LPP: variants seen among roughly 807,000 people sequenced by gnomAD.
LPP encodes the protein LIM domain containing preferred translocation partner in lipoma, also known as lipoma-preferred partner.
In LPP, 38 loss-of-function variants were observed where a neutral mutation model predicts 60.4. The ratio of observed to expected loss-of-function variants is 0.63; its 90% CI spans 0.49 to 0.83. The LOEUF (loss-of-function observed/expected upper bound fraction) is 0.83, where lower values mean the gene tolerates loss of function less well. LPP is among the 40% of genes least tolerant of loss of function. The pLI, the probability that LPP is intolerant of heterozygous loss-of-function variation, is 0.00. For missense variants in LPP, 902 were observed against 783.6 expected, an observed-to-expected ratio of 1.15 and a Z score of -1.80; for synonymous variants, 328 against 290.8, an observed-to-expected ratio of 1.13 and a Z score of -1.30.
intron 8 of LPP, among the ~76,000 whole-genome samples, chr3:188,756,887 C>T (rs1181520601): frequency 1.3e-5 from 2 of 152,166 alleles, no homozygotes; most frequent in Non-Finnish European, 2.9e-5. Flanking sequence ...GAAGATCATT[C>T]CTTAGGAATA....
chr3:188,508,129 C>A (rs1171752502), intron 5 of LPP, among the ~76,000 whole-genome samples: 1 of 152,088 alleles, frequency 6.6e-6, no homozygotes, highest in African/African-American at 2.4e-5. Context: ...AGGACCTTAA[C>A]CAAGGTGGTG....
At chr3:188,467,289 AT>A (rs1800726051) in intron 4 of LPP, among the ~76,000 whole-genome samples, 1 of 152,126 alleles carries the variant, frequency 6.6e-6, no homozygotes, top group Admixed American at 6.6e-5. Flanking sequence ...CTTAAATAAT[AT>A]GTTTAAATTT....
intron 9 of LPP, among the ~76,000 whole-genome samples, chr3:188,848,439 G>A (rs974958983): frequency 1.7e-4 from 26 of 152,176 alleles, no homozygotes; most frequent in African/African-American, 6.0e-4. Flanking sequence ...TATTCATGTC[G>A]CACTCTTGCT....
chr3:188,457,417 C>T (rs1407081098), intron 4 of LPP, among the ~76,000 whole-genome samples: 3 of 152,146 alleles, frequency 2.0e-5, no homozygotes, highest in African/African-American at 7.2e-5. Context: ...CCAGTTACAT[C>T]TTACTTTTGA....
intron 1 of LPP, among the ~76,000 whole-genome samples, chr3:188,189,885 C>T (rs903737539): frequency 6.6e-6 from 1 of 151,130 alleles, no homozygotes; most frequent in African/African-American, 2.4e-5. Context: ...ATGCTGCAAG[C>T]GAAGAGGGGT....
intron 5 of LPP, among the ~76,000 whole-genome samples, chr3:188,511,488 C>T (rs1008549061): frequency 6.6e-6 from 1 of 151,794 alleles, no homozygotes; most frequent in Admixed American, 6.6e-5. Context: ...GTAGCCATGA[C>T]CTAATTTTTG....
intron 2 of LPP, among the ~76,000 whole-genome samples, chr3:188,255,441 C>T (rs981700489): frequency 1.3e-5 from 2 of 152,180 alleles, no homozygotes; most frequent in African/African-American, 4.8e-5. Context: ...CATATCAAGG[C>T]ATCACCTTTT....
chr3:188,862,943 G>A (rs66506558), intron 9 of LPP, among the ~76,000 whole-genome samples: 15,866 of 151,668 alleles, frequency 0.1, 1,062 homozygotes, highest in Middle Eastern at 0.16. Flanking sequence ...TGTATGAAGC[G>A]TGCATCTTTT....
At chr3:188,592,698 C>G (rs376014059) in intron 6 of LPP, among the ~76,000 whole-genome samples, 2 of 151,650 alleles carry the variant, frequency 1.3e-5, no homozygotes, top group South Asian at 4.2e-4. Context: ...CCCACCACCA[C>G]GCCTGGCTAA....
rs574187221 is a variant in LPP at position 188,528,953 on chromosome 3, G to A, written c.429+4166G>A. On this transcript the variant is annotated intron_variant, in intron 6 of 11. Coordinates refer to ENST00000617246, the MANE Select transcript of LPP (RefSeq NM_001375462.1). ...AGGTCAAAAAAAATTAATTGTAATA[G>A]CCATTAAGTAGAATAAGTTCATAAT... is the stretch of plus-strand genomic sequence containing the variant. Among the ~76,000 whole-genome samples, 9 of 152,258 alleles carry A rather than the reference G, an allele frequency of 5.9e-5. No homozygotes were observed. The South Asian group carries it at 1.9e-3, about 32-fold the overall frequency.
At chr3:188,804,528 G>A (rs142951862) in intron 9 of LPP, among the ~76,000 whole-genome samples, 1 of 151,690 alleles carries the variant, frequency 6.6e-6, no homozygotes, top group Non-Finnish European at 1.5e-5. Flanking sequence ...TCACTCTTCG[G>A]TTTATGGGTG....
chr3:188,200,655 C>T (rs1453312648), intron 1 of LPP, among the ~76,000 whole-genome samples: 4 of 152,140 alleles, frequency 2.6e-5, no homozygotes, highest in East Asian at 3.9e-4. Flanking sequence ...GCTTCACTTC[C>T]ACCTTCCAGA....
intron 2 of LPP, among the ~76,000 whole-genome samples, chr3:188,232,884 C>G (rs901770023): frequency 1.3e-5 from 2 of 152,048 alleles, no homozygotes; most frequent in South Asian, 2.1e-4. Context: ...GTCTTTGGTG[C>G]TCTCAAAGCA....
chr3:188,601,731 A>C (rs1841212597), intron 6 of LPP, among the ~76,000 whole-genome samples: 1 of 152,296 alleles, frequency 6.6e-6, no homozygotes, highest in African/African-American at 2.4e-5. Flanking sequence ...TTGTGCAGTC[A>C]GATTTAAGAA....
At chr3:188,838,208 C>T (rs950995199) in intron 9 of LPP, among the ~76,000 whole-genome samples, 2 of 151,878 alleles carry the variant, frequency 1.3e-5, no homozygotes, top group Non-Finnish European at 2.9e-5. Flanking sequence ...ATAAATGTTC[C>T]TTTTTTACTT....
chr3:188,545,360 C>T (rs1826339800), intron 6 of LPP, among the ~76,000 whole-genome samples: 1 of 149,586 alleles, frequency 6.7e-6, no homozygotes, highest in Non-Finnish European at 1.5e-5. Context: ...TAGGTTGAGG[C>T]AAAACAAGCA....
intron 2 of LPP, among the ~76,000 whole-genome samples, chr3:188,334,017 C>G (rs1760877921): frequency 6.6e-6 from 1 of 152,186 alleles, no homozygotes; most frequent in African/African-American, 2.4e-5. Context: ...CTTTGGCTAT[C>G]CTCCCCCTCC....
intron 1 of LPP, among the ~76,000 whole-genome samples, chr3:188,193,054 TTG>T (rs3056777): frequency 0.44 from 66,236 of 151,824 alleles, 15,254 homozygotes; most frequent in Non-Finnish European, 0.53. Flanking sequence ...CATGGACATT[TTG>T]TGTTTATGCT....
chr3:188,349,883 C>T (rs1201833070), intron 3 of LPP, among the ~76,000 whole-genome samples: 1 of 152,244 alleles, frequency 6.6e-6, no homozygotes, highest in Non-Finnish European at 1.5e-5. Context: ...ACCAGTGCTC[C>T]TGAGCTCACA....
Sources: allele counts gnomAD v4.1 joint callset (sites outside exome capture counted in the v4.1 genomes callset), GRCh38; gene constraint gnomAD v4.1.1; transcripts MANE v1.5; gene names NCBI Gene and HGNC (gene_info 2026-07-23, HGNC 2026-07-21).